Variants in PCMTD2 observed in about 807,000 individuals in gnomAD.
PCMTD2 encodes the protein protein-L-isoaspartate (D-aspartate) O-methyltransferase domain containing 2.
A neutral mutation model predicts 33.4 loss-of-function variants in PCMTD2; 16 were observed. The observed-to-expected ratio is 0.48, with a 90% CI of 0.32 to 0.73. The LOEUF (loss-of-function observed/expected upper bound fraction) is 0.73. Ranked by LOEUF, PCMTD2 falls within the 30% of genes least tolerant of loss-of-function variation. The probability of loss-of-function intolerance (pLI) is 0.03; values close to 1 mark genes in which losing one functional copy is unlikely to be tolerated. For synonymous variants in PCMTD2, 161 were observed against 160.8 expected, an observed-to-expected ratio of 1.00 and a Z score of -0.01; for missense variants, 374 against 449.9, an observed-to-expected ratio of 0.83 and a Z score of 1.53.
intron 5 of PCMTD2, among the ~76,000 whole-genome samples, chr20:64,269,340 G>A (rs1985789595): frequency 6.6e-6 from 1 of 152,238 alleles, no homozygotes; most frequent in African/African-American, 2.4e-5. Flanking sequence ...GTATTTATGA[G>A]ACTTTTTGAG....
chr20:64,256,751 A>C (rs1341232209), intron 1 of PCMTD2: 1 of 152,262 alleles, frequency 6.6e-6, no homozygotes, highest in Non-Finnish European at 1.5e-5. Context: ...TCGTACCTCC[A>C]GTGGAACTTG....
intron 5 of PCMTD2, chr20:64,272,157 G>C (rs1985938220): frequency 2.7e-6 from 1 of 371,992 alleles, no homozygotes; most frequent in Non-Finnish European, 5.5e-6. Context: ...CAGGGGCCTG[G>C]GACACAAGCC....
chr20:64,263,697 G>T (rs1054174433), intron 2 of PCMTD2, among the ~76,000 whole-genome samples: 2 of 152,098 alleles, frequency 1.3e-5, no homozygotes, highest in African/African-American at 4.8e-5. Flanking sequence ...ACCCCAAAAG[G>T]CTCCCATGCC....
rs1020260607 is a variant in PCMTD2 at position 64,275,327 on chromosome 20, T to C, written c.*1727T>C. On this transcript the variant is annotated 3_prime_UTR_variant, in exon 6 of 6. Coordinates refer to ENST00000308824, the MANE Select transcript of PCMTD2 (RefSeq NM_018257.3). ...TTCTAACTGATACGTAGACACTTACTTGGAAATTTTTGGACATTATATTAA... is the reference window on the plus strand; with the variant it reads ...TTCTAACTGATACGTAGACACTTACCTGGAAATTTTTGGACATTATATTAA... 1.3e-5 allele frequency: 2 copies of C among 152,202 alleles called. No individual in the cohort carries two copies. Among genetic ancestry groups the C allele is most frequent in the Non-Finnish European group, 2.9e-5 (2 of 68,020 alleles). 9.4% of individuals were successfully genotyped at this position (152,202 alleles called of 1,614,324 possible). A position where few individuals can be genotyped will look rare whatever the true frequency, so the allele number is the denominator to read the frequency against.
At chr20:64,259,699 A>G (rs1985319903) in intron 1 of PCMTD2, 1 of 490,730 alleles carries the variant, frequency 2.0e-6, no homozygotes, top group African/African-American at 2.0e-5. Flanking sequence ...CTAAATTTGA[A>G]TTTCAAATAA....
intron 4 of PCMTD2, chr20:64,265,723 TCTC>T (rs1158864650): frequency 3.2e-6 from 1 of 311,740 alleles, no homozygotes; most frequent in Non-Finnish European, 5.9e-6. Context: ...TCCTTCCCCT[TCTC>T]CTTCCCCCCA....
chr20:64,268,159 G>A, intron 5 of PCMTD2, 149 bp downstream of exon 5: 1 of 588,316 alleles, frequency 1.7e-6, no homozygotes, highest in Non-Finnish European at 2.9e-6. Context: ...GCAATTTCAG[G>A]CATTATAAAA....
Position 64,273,567 on chromosome 20 carries a change from G to A in PCMTD2, c.1053G>A (p.Leu351=). The part of the protein sequence containing the change: ...KVLSLPLPDP[L]KYYLLYYREK ...TGAGCCTCCCTCTGCCAGATCCCCTGAAATACTACTTGCTTTATTACAGAG... is the reference window on the plus strand; with the variant it reads ...TGAGCCTCCCTCTGCCAGATCCCCTAAAATACTACTTGCTTTATTACAGAG... Residue 351 remains leucine (L), a synonymous_variant, in exon 6 of 6, where the codon CTG becomes CTA. Transcript: ENST00000308824. 6.5e-7 allele frequency: 1 copy of A among 1,528,788 alleles called. No homozygotes were observed. Among genetic ancestry groups the A allele is most frequent in the Non-Finnish European group, 8.8e-7 (1 of 1,142,536 alleles). 94.7% of individuals were successfully genotyped at this position (1,528,788 alleles called of 1,614,324 possible).
chr20:64,265,474 A>G (rs1422393386), intron 4 of PCMTD2, 45 bp downstream of exon 4: 4 of 1,483,130 alleles, frequency 2.7e-6, no homozygotes, highest in Non-Finnish European at 3.7e-6. Flanking sequence ...CTGTGTGCCA[A>G]GGTCTGTTCT....
intron 1 of PCMTD2, among the ~76,000 whole-genome samples, chr20:64,259,412 A>T (rs1601738608): frequency 7.0e-6 from 1 of 142,874 alleles, no homozygotes; most frequent in African/African-American, 2.6e-5. Flanking sequence ...TTTTTGAGAC[A>T]GAGTCTTGCT....
At chr20:64,269,616 C>T (rs575480718) in intron 5 of PCMTD2, among the ~76,000 whole-genome samples, 2 of 152,094 alleles carry the variant, frequency 1.3e-5, no homozygotes, top group African/African-American at 2.4e-5. Context: ...TGTAGACATA[C>T]GTGATATGGG....
At chr20:64,272,984 T>C (rs1226586580) in intron 5 of PCMTD2, among the ~76,000 whole-genome samples, 1 of 152,236 alleles carries the variant, frequency 6.6e-6, no homozygotes, top group Non-Finnish European at 1.5e-5. Context: ...CAAGCAATAT[T>C]GCTTCCTTTC....
intron 1 of PCMTD2, among the ~76,000 whole-genome samples, chr20:64,259,666 A>C (rs1985318286): frequency 6.6e-6 from 1 of 152,186 alleles, no homozygotes; most frequent in African/African-American, 2.4e-5. Context: ...CTGGGATTAC[A>C]GTCATGACCC....
intron 4 of PCMTD2, among the ~76,000 whole-genome samples, chr20:64,267,375 A>G (rs932841350): frequency 6.6e-6 from 1 of 152,220 alleles, no homozygotes; most frequent in Non-Finnish European, 1.5e-5. Flanking sequence ...ATCCAAGATG[A>G]CAAGTTTGCA....
intron 5 of PCMTD2, among the ~76,000 whole-genome samples, chr20:64,269,870 GTGCATC>G (rs1985821186): frequency 6.4e-5 from 9 of 139,888 alleles, no homozygotes; most frequent in African/African-American, 2.0e-4. Context: ...GGGTGTGGGC[GTGCATC>G]GTGTGGGGTC....
At chr20:64,258,270 T>TG (rs1453987191) in intron 1 of PCMTD2, among the ~76,000 whole-genome samples, 2 of 152,196 alleles carry the variant, frequency 1.3e-5, no homozygotes, top group Non-Finnish European at 2.9e-5. Context: ...GCCTCAGAAC[T>TG]GAGTGGCTTA....
In PCMTD2 at chr20:64,264,476, G is replaced by C. The variant is rs773700031; in HGVS notation, c.355G>C (p.Glu119Gln). Residue 119 changes from glutamate to glutamine, a missense_variant, in exon 3 of 6, where the codon GAG becomes CAG. Glu to Gln is a conservative substitution (Grantham distance 29, BLOSUM62 2). Transcript: ENST00000308824. ...HGVELHSDVI[E>Q]YAKQKLDFFI... ...GGTGGAACTTCACTCAGATGTGATA[G>C]AGTATGCAAAGCAGAAACTGGACTT... is the stretch of plus-strand genomic sequence containing the variant. 6.2e-7 allele frequency: 1 copy of C among 1,608,176 alleles called. No individual in the cohort carries two copies. Among genetic ancestry groups the C allele is most frequent in the Non-Finnish European group, 8.5e-7 (1 of 1,174,622 alleles).
rs551236826 is a variant in PCMTD2 at position 64,255,789 on chromosome 20, C to T, written c.-106C>T. ...CGAGGTTGGAGCGGCGCTGCTCGGCCGCGGACACACGAGGGACGCGCCCGA... is the reference window on the plus strand; with the variant it reads ...CGAGGTTGGAGCGGCGCTGCTCGGCTGCGGACACACGAGGGACGCGCCCGA... On this transcript the variant is annotated 5_prime_UTR_variant, in exon 1 of 6. Transcript: ENST00000308824. 1.1e-5 allele frequency: 2 copies of T among 174,136 alleles called. No individual in the cohort carries two copies. Among genetic ancestry groups the T allele is most frequent in the Admixed American group, 6.6e-5 (1 of 15,216 alleles). 10.8% of individuals were successfully genotyped at this position (174,136 alleles called of 1,614,324 possible).
chr20:64,256,488 C>T (rs998165074), intron 1 of PCMTD2: 5 of 152,204 alleles, frequency 3.3e-5, no homozygotes, highest in Admixed American at 6.5e-5. Context: ...AATATCCACG[C>T]CCTCTTTATC....
Sources: gnomAD v4.1 joint callset for allele counts (sites outside exome capture counted in the v4.1 genomes callset) on GRCh38, gnomAD v4.1.1 for gene constraint, MANE v1.5 for transcripts, NCBI Gene and HGNC (gene_info 2026-07-23, HGNC 2026-07-21) for gene names.